AOPEP: variants seen among roughly 807,000 people sequenced by gnomAD.
The protein encoded by AOPEP is aminopeptidase O.
A neutral mutation model predicts 98.1 loss-of-function variants in AOPEP; 77 were observed. The observed-to-expected ratio is 0.78, with a 90% CI of 0.65 to 0.95. The LOEUF is 0.95. AOPEP is among the 40% of genes least tolerant of loss of function. AOPEP has a pLI of 0.00. For synonymous variants in AOPEP, 346 were observed against 365.3 expected (o/e 0.95, Z 0.60); for missense variants, 1,024 against 1,024.7 (o/e 1.00, Z 0.01).
At chr9:94,851,687 C>T (rs1304585030) in intron 5 of AOPEP, among the ~76,000 whole-genome samples, 3 of 150,718 alleles carry the variant, frequency 2.0e-5, no homozygotes, top group Non-Finnish European at 2.9e-5. Flanking sequence ...AGCTCTTGAG[C>T]GAAAGTAGTT....
chr9:94,811,340 C>T (rs1412827850), intron 5 of AOPEP, among the ~76,000 whole-genome samples: 1 of 152,112 alleles, frequency 6.6e-6, no homozygotes, highest in African/African-American at 2.4e-5. Flanking sequence ...GGCATGAGGT[C>T]CCTGGATTTT....
At chr9:94,791,317 C>A (rs1436820753) in intron 3 of AOPEP, among the ~76,000 whole-genome samples, 1 of 151,846 alleles carries the variant, frequency 6.6e-6, no homozygotes, top group Non-Finnish European at 1.5e-5. Flanking sequence ...AAGAAGGGAA[C>A]AACAGACACC....
the AOPEP span, among the ~76,000 whole-genome samples, chr9:95,119,411 G>C: frequency 6.7e-6 from 1 of 149,124 alleles, no homozygotes; most frequent in Admixed American, 6.7e-5. Flanking sequence ...CTGTTGCCAA[G>C]CTGGAGTGCA....
chr9:95,147,525 A>G, the AOPEP span, among the ~76,000 whole-genome samples: 1 of 152,232 alleles, frequency 6.6e-6, no homozygotes, highest in South Asian at 2.1e-4. Flanking sequence ...TCAAAAAAGA[A>G]AAGAAAAGAA....
chr9:94,953,808 G>A (rs1056530352), intron 7 of AOPEP, among the ~76,000 whole-genome samples: 6 of 152,054 alleles, frequency 3.9e-5, no homozygotes, highest in Admixed American at 2.6e-4. Flanking sequence ...GTGAGTGGCC[G>A]GTTTTAGAAC....
chr9:95,046,894 T>C (rs1020918821), intron 13 of AOPEP, among the ~76,000 whole-genome samples: 1 of 151,146 alleles, frequency 6.6e-6, no homozygotes, highest in African/African-American at 2.5e-5. Flanking sequence ...GTACTCACTT[T>C]AATTGTTTCT....
At chr9:94,961,159 G>A (rs1317140704) in intron 9 of AOPEP, among the ~76,000 whole-genome samples, 1 of 152,012 alleles carries the variant, frequency 6.6e-6, no homozygotes, top group Non-Finnish European at 1.5e-5. Flanking sequence ...ATCCTGCTGT[G>A]GAAACTTCTG....
At chr9:95,094,382 C>T in the AOPEP span, among the ~76,000 whole-genome samples, 1 of 152,196 alleles carries the variant, frequency 6.6e-6, no homozygotes, top group Non-Finnish European at 1.5e-5. Context: ...GGACCCAGCT[C>T]AGCAGCCTCG....
chr9:94,794,022 C>T (rs774690335), intron 4 of AOPEP, among the ~76,000 whole-genome samples: 10 of 152,206 alleles, frequency 6.6e-5, no homozygotes, highest in Non-Finnish European at 1.5e-4. Context: ...TTTAGGAGCA[C>T]AGGACACAAG....
At chr9:95,118,084 TC>T in the AOPEP span, among the ~76,000 whole-genome samples, 1 of 152,082 alleles carries the variant, frequency 6.6e-6, no homozygotes, top group Non-Finnish European at 1.5e-5. Flanking sequence ...AGAGGCACAA[TC>T]TCAGCTCACT....
At chr9:95,144,134 AG>A in the AOPEP span, among the ~76,000 whole-genome samples, 1 of 131,286 alleles carries the variant, frequency 7.6e-6, no homozygotes, top group Non-Finnish European at 1.6e-5. Context: ...ACATCTGGGG[AG>A]GGGGGGCTGG....
At chr9:94,999,604 A>G (rs957225627) in intron 11 of AOPEP, among the ~76,000 whole-genome samples, 8 of 152,174 alleles carry the variant, frequency 5.3e-5, no homozygotes, top group Non-Finnish European at 1.0e-4. Context: ...ATGCACCTCA[A>G]TAAATGTTGA....
At chr9:95,132,973 T>G in the AOPEP span, among the ~76,000 whole-genome samples, 1 of 152,224 alleles carries the variant, frequency 6.6e-6, no homozygotes, top group Non-Finnish European at 1.5e-5. Flanking sequence ...ACACTTTAAT[T>G]ACTCTCAGAA....
chr9:95,040,217 T>C (rs990803250), intron 13 of AOPEP, among the ~76,000 whole-genome samples: 1 of 152,242 alleles, frequency 6.6e-6, no homozygotes, highest in African/African-American at 2.4e-5. Flanking sequence ...TGTTTGTCCA[T>C]TGACAGGAAC....
At chr9:94,856,502 A>G (rs2044229207) in intron 5 of AOPEP, among the ~76,000 whole-genome samples, 1 of 152,038 alleles carries the variant, frequency 6.6e-6, no homozygotes, top group Non-Finnish European at 1.5e-5. Context: ...TTAGCCAGGC[A>G]TGGTGGTGCA....
chr9:94,818,904 G>A (rs1470322298), intron 5 of AOPEP, among the ~76,000 whole-genome samples: 1 of 152,174 alleles, frequency 6.6e-6, no homozygotes, highest in Admixed American at 6.5e-5. Flanking sequence ...TGAGGCAGGA[G>A]AATGGCATGA....
Position 94,942,846 on chromosome 9 carries a change from A to G in AOPEP, c.1662-12331A>G, listed in dbSNP as rs1226707265. Among the ~76,000 whole-genome samples, 4 of 148,382 alleles carry G rather than the reference A, an allele frequency of 2.7e-5. No homozygotes were observed. The Admixed American group carries it at 2.7e-4, about 10-fold the overall frequency. Reference sequence around the variant, plus strand: ...CTTGAACCCGGGAGGCAGAGGTTGCAGTGAGTTGAGGTTGTGCCATTGCAC... The same window carrying G: ...CTTGAACCCGGGAGGCAGAGGTTGCGGTGAGTTGAGGTTGTGCCATTGCAC... On this transcript the variant is annotated intron_variant, in intron 7 of 16. Coordinates refer to ENST00000375315, the MANE Select transcript of AOPEP (RefSeq NM_001193329.3).
chr9:95,125,092 G>A, the AOPEP span: 1 of 1,613,788 alleles, frequency 6.2e-7, no homozygotes, highest in Non-Finnish European at 8.5e-7. Context: ...AAACCTGCTT[G>A]CTTGCTTTCT....
At chr9:95,046,320 G>A (rs1258705652) in intron 13 of AOPEP, among the ~76,000 whole-genome samples, 1 of 152,218 alleles carries the variant, frequency 6.6e-6, no homozygotes, top group Non-Finnish European at 1.5e-5. Context: ...GCTTTTAAAA[G>A]TACATGCTAA....
Sources: allele counts gnomAD v4.1 joint callset (sites outside exome capture counted in the v4.1 genomes callset), GRCh38; gene constraint gnomAD v4.1.1; transcripts MANE v1.5; gene names NCBI Gene and HGNC (gene_info 2026-07-23, HGNC 2026-07-21).